GLDN: variants seen among roughly 807,000 people sequenced by gnomAD.
GLDN encodes collomin.
A neutral mutation model predicts 56.5 loss-of-function variants in GLDN; 47 were observed. That is an observed-to-expected ratio of 0.83 (90% CI 0.66 to 1.06). The LOEUF (loss-of-function observed/expected upper bound fraction) is 1.06. GLDN is among the 50% of genes least tolerant of loss of function. The pLI, the probability that GLDN is intolerant of heterozygous loss-of-function variation, is 0.00. For synonymous variants in GLDN, 332 were observed against 278.8 expected (o/e 1.19, Z -1.90); for missense variants, 782 against 714.3 (o/e 1.09, Z -1.08).
At chr15:51,369,463 AT>A (rs2037471946) in intron 1 of GLDN, among the ~76,000 whole-genome samples, 1 of 152,228 alleles carries the variant, frequency 6.6e-6, no homozygotes, top group South Asian at 2.1e-4. Context: ...GACAGGCCTC[AT>A]TGTTTTAGTA....
chr15:51,371,084 A>G (rs1341666212), intron 1 of GLDN, among the ~76,000 whole-genome samples: 1 of 152,158 alleles, frequency 6.6e-6, no homozygotes, highest in Non-Finnish European at 1.5e-5. Context: ...GTTTGGTTTC[A>G]TGAACCTCCC....
chr15:51,352,164 G>T (rs2037088462), intron 1 of GLDN, among the ~76,000 whole-genome samples: 3 of 152,096 alleles, frequency 2.0e-5, no homozygotes, highest in African/African-American at 2.4e-5. Context: ...TCTGGTGAGG[G>T]TCTGTTTTCT....
chr15:51,378,061 T>C (rs2037674119), intron 2 of GLDN, among the ~76,000 whole-genome samples: 1 of 152,212 alleles, frequency 6.6e-6, no homozygotes, highest in South Asian at 2.1e-4. Context: ...CATCAGGTTG[T>C]AGGAAGCCTA....
rs750770283 is a variant in GLDN at position 51,342,008 on chromosome 15, C to G, written c.324C>G (p.Ser108Arg). The change falls in exon 1 of 10, where the codon AGC becomes AGG. Residue 108 changes from serine (S) to arginine (R), a missense_variant. By Grantham distance (110) the Ser-to-Arg change is moderately radical. Coordinates refer to ENST00000335449, the MANE Select transcript of GLDN (RefSeq NM_181789.4). ...CCGCGCCGCATATCCGCGCCGAGAG[C>G]CATGACATGCTGATGATGATGACCT... ...GEPAPHIRAE[S>R]HDMLMMMTYS... 2 of 1,597,642 alleles carry G rather than the reference C, an allele frequency of 1.3e-6. No homozygotes were observed. Among genetic ancestry groups the G allele is most frequent in the Non-Finnish European group, 1.7e-6 (2 of 1,179,354 alleles).
chr15:51,397,538 C>G lies in GLDN; in HGVS notation c.757C>G (p.Pro253Ala), dbSNP rs989065249. 25 of 1,602,658 alleles carry G rather than the reference C, an allele frequency of 1.6e-5. No homozygotes were observed. Among genetic ancestry groups the G allele is most frequent in the Non-Finnish European group, 2.1e-5 (25 of 1,173,812 alleles). ...AGGCCCTCCAGGTCCTCCAGGGCCCCCTGGAAGCAGAAGAGCCAAAGGCCC... is the reference window on the plus strand; with the variant it reads ...AGGCCCTCCAGGTCCTCCAGGGCCCGCTGGAAGCAGAAGAGCCAAAGGCCC... ...PPGPPGPPGP[P>A]GSRRAKGPRQ... The change falls in exon 6 of 10, where the codon CCT becomes GCT. Residue 253 changes from proline to alanine, a missense_variant. Pro to Ala is a conservative substitution (Grantham distance 27). Coordinates refer to ENST00000335449, the MANE Select transcript of GLDN (RefSeq NM_181789.4).
At position 51,407,778 on chromosome 15, in the gene GLDN, A is replaced by C. The variant is rs1156299293; in HGVS notation, c.*3024A>C. On this transcript the variant is annotated 3_prime_UTR_variant, in exon 10 of 10. Coordinates refer to ENST00000335449, the MANE Select transcript of GLDN (RefSeq NM_181789.4). ...CTTGATGAGTGAGGTGTCATCTTCCAACCACACAGAGGACGTTTTGGCTAT... is the reference window on the plus strand; with the variant it reads ...CTTGATGAGTGAGGTGTCATCTTCCCACCACACAGAGGACGTTTTGGCTAT... 2 of 152,260 alleles carry C rather than the reference A, an allele frequency of 1.3e-5. No homozygotes were observed. Among genetic ancestry groups the C allele is most frequent in the Non-Finnish European group, 2.9e-5 (2 of 68,044 alleles). 9.4% of individuals were successfully genotyped at this position (152,260 alleles called of 1,614,324 possible).
chr15:51,345,221 TTTA>T (rs1172865653), intron 1 of GLDN, among the ~76,000 whole-genome samples: 1 of 152,232 alleles, frequency 6.6e-6, no homozygotes, highest in Non-Finnish European at 1.5e-5. Context: ...TTCTGGTAGC[TTTA>T]TCATCCTGTC....
chr15:51,379,372 T>C (rs1384905996), intron 2 of GLDN, among the ~76,000 whole-genome samples: 1 of 152,128 alleles, frequency 6.6e-6, no homozygotes, highest in African/African-American at 2.4e-5. Context: ...TGTTAGAAAA[T>C]ATCTAAATCA....
intron 1 of GLDN, among the ~76,000 whole-genome samples, chr15:51,373,719 G>C (rs974719363): frequency 6.6e-6 from 1 of 152,180 alleles, no homozygotes; most frequent in African/African-American, 2.4e-5. Flanking sequence ...GCAGGGAGGG[G>C]GAGAGCACTG....
intron 1 of GLDN, among the ~76,000 whole-genome samples, chr15:51,357,788 G>C (rs1352945770): frequency 6.6e-6 from 1 of 152,130 alleles, no homozygotes; most frequent in Non-Finnish European, 1.5e-5. Context: ...AGACTTTCTT[G>C]AGGCCCTATC....
Position 51,404,388 on chromosome 15 carries a change from T to C in GLDN, c.1290T>C (p.Asp430=). Residue 430 remains aspartate, a synonymous_variant, in exon 10 of 10, where the codon GAT becomes GAC. Coordinates refer to ENST00000335449, the MANE Select transcript of GLDN (RefSeq NM_181789.4). ...NSKTYFNLAV[D]EKGLWIIYAS... Reference sequence around the variant, plus strand: ...AAACTTACTTCAATCTAGCTGTAGATGAAAAGGGCCTTTGGATTATCTATG... The same window carrying C: ...AAACTTACTTCAATCTAGCTGTAGACGAAAAGGGCCTTTGGATTATCTATG... 1 of 1,614,208 alleles carries C rather than the reference T, an allele frequency of 6.2e-7. No individual in the cohort carries two copies. The highest frequency in any genetic ancestry group is 8.5e-7 in the Non-Finnish European group (1 of 1,180,028).
In GLDN at chr15:51,366,398, T is replaced by C. The variant is rs577784187; in HGVS notation, c.364-11051T>C. Among the ~76,000 whole-genome samples the C allele has an allele frequency of 2.0e-5, 3 of 152,308 alleles. No homozygotes were observed. In the South Asian group the frequency reaches 6.2e-4, roughly 32 times the overall value. ...TGAAGACTGGGCAAGGCTGAAAACCTGGGGCTTGATAGAGCCTGTAGGGCT... is the reference window on the plus strand; with the variant it reads ...TGAAGACTGGGCAAGGCTGAAAACCCGGGGCTTGATAGAGCCTGTAGGGCT... On this transcript the variant is annotated intron_variant, in intron 1 of 9. Transcript: ENST00000335449.
chr15:51,348,112 G>T (rs1458988335), intron 1 of GLDN, among the ~76,000 whole-genome samples: 1 of 151,998 alleles, frequency 6.6e-6, no homozygotes, highest in African/African-American at 2.4e-5. Context: ...TTCTTTATGG[G>T]AGTAAAAAGG....
At chr15:51,342,566 T>C (rs2036906185) in intron 1 of GLDN, among the ~76,000 whole-genome samples, 1 of 152,320 alleles carries the variant, frequency 6.6e-6, no homozygotes, top group African/African-American at 2.4e-5. Context: ...GCCGGCCTAA[T>C]TGTTTCCGTT....
At chr15:51,401,833 T>G (rs896477194) in intron 9 of GLDN, 90 bp downstream of exon 9, 32 of 1,185,864 alleles carry the variant, frequency 2.7e-5, no homozygotes, top group Non-Finnish European at 3.3e-5. Context: ...GGACTGTGTT[T>G]TCATCATCTT....
At chr15:51,344,194 G>A (rs1036890122) in intron 1 of GLDN, among the ~76,000 whole-genome samples, 4 of 152,124 alleles carry the variant, frequency 2.6e-5, no homozygotes, top group African/African-American at 9.7e-5. Flanking sequence ...ACTGATGCCT[G>A]AATCCCATCC....
chr15:51,391,358 G>A (rs2038016425), intron 4 of GLDN, among the ~76,000 whole-genome samples: 1 of 152,220 alleles, frequency 6.6e-6, no homozygotes, highest in Non-Finnish European at 1.5e-5. Context: ...TGATGATGCA[G>A]AAGGCTGTTT....
rs142635249 is a variant in GLDN, at chr15:51,342,365, G to A, written c.363+318G>A. On this transcript the variant is annotated intron_variant, in intron 1 of 9. Coordinates refer to ENST00000335449, the MANE Select transcript of GLDN (RefSeq NM_181789.4). ...TCCTTCTCAGCTTAGACAAGTTTTC[G>A]TCTCCTGGTGTGAATGGAGCCGCAG... Among the ~76,000 whole-genome samples, 289 of 152,324 alleles carry A rather than the reference G, an allele frequency of 1.9e-3. 1 individual carries two copies. Among genetic ancestry groups the A allele is most frequent in the African/African-American group, 6.7e-3 (280 of 41,582 alleles).
In GLDN at chr15:51,404,420, G is replaced by C; in HGVS notation, c.1322G>C (p.Ser441Thr). 1 of 1,614,190 alleles carries C rather than the reference G, an allele frequency of 6.2e-7. No homozygotes were observed. Among genetic ancestry groups the C allele is most frequent in the Non-Finnish European group, 8.5e-7 (1 of 1,180,044 alleles). ...GGCCTTTGGATTATCTATGCGTCAA[G>C]TGTGGACGGCTCGAGCATTCTTGTA... ...EKGLWIIYAS[S>T]VDGSSILVAQ... Residue 441 changes from serine to threonine, a missense_variant, in exon 10 of 10, where the codon AGT becomes ACT. Physicochemically the swap from Ser to Thr is moderately conservative, Grantham distance 58. Transcript: ENST00000335449.
Sources: gnomAD v4.1 joint callset for allele counts (sites outside exome capture counted in the v4.1 genomes callset) on GRCh38, gnomAD v4.1.1 for gene constraint, MANE v1.5 for transcripts, NCBI Gene and HGNC (gene_info 2026-07-23, HGNC 2026-07-21) for gene names.